The following CTNNA2 variants were observed in gnomAD, a reference collection of about 807,000 sequenced individuals.
CTNNA2 encodes catenin alpha-2.
A neutral mutation model predicts 101.0 loss-of-function variants in CTNNA2; 42 were observed. The observed-to-expected ratio is 0.42, with a 90% CI of 0.32 to 0.54. The LOEUF (loss-of-function observed/expected upper bound fraction) is 0.54, where lower values mean the gene tolerates loss of function less well. Among genes scored for constraint, CTNNA2 ranks in the 20% least tolerant of loss-of-function variants. CTNNA2 has a pLI of 0.14. For missense variants in CTNNA2, 871 were observed against 1,223.1 expected, an observed-to-expected ratio of 0.71 and a Z score of 4.29; for synonymous variants, 450 against 456.4, an observed-to-expected ratio of 0.99 and a Z score of 0.18.
At chr2:80,199,769 G>A (rs1707085493) in intron 7 of CTNNA2, among the ~76,000 whole-genome samples, 2 of 152,200 alleles carry the variant, frequency 1.3e-5, no homozygotes, top group Non-Finnish European at 2.9e-5. Context: ...ATAGTAAAGG[G>A]AGATTAAATG....
chr2:80,048,591 C>A (rs541560217), intron 7 of CTNNA2, among the ~76,000 whole-genome samples: 15 of 152,086 alleles, frequency 9.9e-5, no homozygotes, highest in Non-Finnish European at 2.1e-4. Context: ...ATATATGATG[C>A]CATACACTGG....
At chr2:79,290,430 G>A (rs939688995) in intron 2 of CTNNA2, among the ~76,000 whole-genome samples, 11 of 152,096 alleles carry the variant, frequency 7.2e-5, no homozygotes, top group Admixed American at 3.9e-4. Context: ...CTGTGCCCAC[G>A]GACCTAGGTG....
chr2:80,023,930 A>G (rs536486451), intron 7 of CTNNA2, among the ~76,000 whole-genome samples: 1 of 152,060 alleles, frequency 6.6e-6, no homozygotes, highest in East Asian at 1.9e-4. Context: ...TACTAAAAAT[A>G]CAAAAAATTA....
chr2:80,582,941 G>A (rs3770337), intron 14 of CTNNA2, among the ~76,000 whole-genome samples: 55,376 of 151,926 alleles, frequency 0.36, 10,291 homozygotes, highest in East Asian at 0.57. Context: ...TTTCTCTTAT[G>A]TGCTTTATGC....
intron 3 of CTNNA2, among the ~76,000 whole-genome samples, chr2:79,772,310 C>A (rs1159920953): frequency 5.9e-5 from 9 of 152,198 alleles, no homozygotes; most frequent in Non-Finnish European, 1.3e-4. Context: ...AAGACTCAAT[C>A]TCTCAAGTGT....
At chr2:80,553,459 T>G (rs1273198461) in intron 11 of CTNNA2, among the ~76,000 whole-genome samples, 1 of 152,164 alleles carries the variant, frequency 6.6e-6, no homozygotes, top group African/African-American at 2.4e-5. Context: ...TTTCTACTTT[T>G]GGATAGTCCT....
At position 79,670,195 on chromosome 2, in the gene CTNNA2, G is replaced by A. The variant is rs1268941705; in HGVS notation, c.102+18537G>A. Among the ~76,000 whole-genome samples the A allele has an allele frequency of 3.3e-5, 5 of 152,260 alleles. No individual in the cohort carries two copies. In the East Asian group the frequency reaches 5.8e-4, roughly 18 times the overall value. ...AAGAGGCAGGGCCCACACTTGTCCC[G>A]GCTCCTAGTTGCTTCCTGGAGTGGG... On this transcript the variant is annotated intron_variant, in intron 2 of 18. Coordinates refer to ENST00000402739, the MANE Select transcript of CTNNA2 (RefSeq NM_001282597.3).
chr2:79,829,140 C>T (rs181717535), intron 3 of CTNNA2, among the ~76,000 whole-genome samples: 9 of 152,194 alleles, frequency 5.9e-5, no homozygotes, highest in African/African-American at 1.7e-4. Context: ...ATCCTTAGTT[C>T]AAGTAGTTGA....
chr2:79,237,051 T>C (rs1448913883), intron 2 of CTNNA2, among the ~76,000 whole-genome samples: 1 of 152,240 alleles, frequency 6.6e-6, no homozygotes, highest in African/African-American at 2.4e-5. Context: ...AGACTTTCAA[T>C]TTAGTTTGCC....
intron 2 of CTNNA2, among the ~76,000 whole-genome samples, chr2:79,300,241 T>G (rs1047378026): frequency 2.0e-5 from 3 of 152,296 alleles, no homozygotes; most frequent in Middle Eastern, 3.4e-3. Context: ...CTCCATAGTT[T>G]TGCCTTTTCC....
At position 80,623,922 on chromosome 2, in the gene CTNNA2, C is replaced by G. The variant is rs183197171; in HGVS notation, c.2574+4694C>G. On this transcript the variant is annotated intron_variant, in intron 18 of 18. Coordinates refer to ENST00000402739, the MANE Select transcript of CTNNA2 (RefSeq NM_001282597.3). ...GAAAAATAGTTTAGGGTAGTATAAG[C>G]ATATTCTCAAGAAAATTGGTTTAAA... Among the ~76,000 whole-genome samples the G allele has an allele frequency of 1.0e-3, 154 of 151,980 alleles. 1 individual carries two copies. The highest frequency in any genetic ancestry group is 3.1e-3 in the African/African-American group (130 of 41,496).
intron 4 of CTNNA2, among the ~76,000 whole-genome samples, chr2:79,421,860 G>T (rs548024122): frequency 2.0e-4 from 30 of 152,098 alleles, no homozygotes; most frequent in Non-Finnish European, 4.0e-4. Context: ...CTTACTCCGG[G>T]GCCATGGGCC....
At chr2:79,864,779 C>T (rs1681900114) in intron 4 of CTNNA2, among the ~76,000 whole-genome samples, 1 of 152,126 alleles carries the variant, frequency 6.6e-6, no homozygotes, top group Non-Finnish European at 1.5e-5. Flanking sequence ...TGAGTATGGG[C>T]TCTGGAGCAA....
At chr2:80,314,248 CT>C (rs1558997601) in intron 7 of CTNNA2, among the ~76,000 whole-genome samples, 2 of 152,116 alleles carry the variant, frequency 1.3e-5, no homozygotes, top group Non-Finnish European at 2.9e-5. Flanking sequence ...ATAACAGGAC[CT>C]TGTGTTACCT....
In CTNNA2 at chr2:79,767,245, C is replaced by G. The variant is rs191860526; in HGVS notation, c.298+22663C>G. Among the ~76,000 whole-genome samples, 16 of 152,088 alleles carry G rather than the reference C, an allele frequency of 1.1e-4. No individual in the cohort carries two copies. In the East Asian group the frequency reaches 3.1e-3, roughly 30 times the overall value. ...ATGTATCTGATAGAATTTTGAATGT[C>G]TTCTCTGTGTTGTCTTGAATTTCTT... On this transcript the variant is annotated intron_variant, in intron 3 of 18. Coordinates refer to ENST00000402739, the MANE Select transcript of CTNNA2 (RefSeq NM_001282597.3).
At chr2:79,275,082 A>C (rs1430825277) in intron 2 of CTNNA2, among the ~76,000 whole-genome samples, 2 of 152,060 alleles carry the variant, frequency 1.3e-5, no homozygotes, top group African/African-American at 4.8e-5. Flanking sequence ...GACTACCTGG[A>C]AGGCTTCAGT....
In CTNNA2 at chr2:80,303,629, A is replaced by G; in HGVS notation, c.1057-89582A>G. On this transcript the variant is annotated intron_variant, in intron 7 of 18. Transcript: ENST00000402739. This position sits in a 1 kb window ranked among gnomAD's most constrained non-coding sequence, Gnocchi z 7.7. Reference sequence around the variant, plus strand: ...CAGGGACAAGCCCAGCAGGCCGGACAGGTTGTGGGGCGCCTCGGTGAGGTT... The same window carrying G: ...CAGGGACAAGCCCAGCAGGCCGGACGGGTTGTGGGGCGCCTCGGTGAGGTT... 1.2e-6 allele frequency: 2 copies of G among 1,613,972 alleles called. No homozygotes were observed. Among genetic ancestry groups the G allele is most frequent in the East Asian group, 2.2e-5 (1 of 44,852 alleles).
intron 7 of CTNNA2, among the ~76,000 whole-genome samples, chr2:79,974,634 A>C (rs866281432): frequency 6.6e-6 from 1 of 152,144 alleles, no homozygotes; most frequent in Non-Finnish European, 1.5e-5. Context: ...ATTCACATTC[A>C]TATATATTTT....
At chr2:80,612,292 T>C (rs1243674221) in intron 17 of CTNNA2, among the ~76,000 whole-genome samples, 1 of 151,484 alleles carries the variant, frequency 6.6e-6, no homozygotes, top group Non-Finnish European at 1.5e-5. Context: ...TTTTAAAAAA[T>C]TGGACTCTAA....
Sources: allele counts gnomAD v4.1 joint callset (sites outside exome capture counted in the v4.1 genomes callset), GRCh38; gene constraint gnomAD v4.1.1; non-coding constraint Gnocchi (gnomAD v3.1); transcripts MANE v1.5; gene names NCBI Gene and HGNC (gene_info 2026-07-23, HGNC 2026-07-21).